Variants in ZDHHC11 observed in about 807,000 individuals in gnomAD.
ZDHHC11 encodes the protein palmitoyltransferase ZDHHC11.
Under a neutral mutation model 51.3 loss-of-function variants are expected in ZDHHC11, and 44 were observed. The ratio of observed to expected loss-of-function variants is 0.86; its 90% CI spans 0.67 to 1.10. The LOEUF (loss-of-function observed/expected upper bound fraction) is 1.10. Among genes scored for constraint, ZDHHC11 ranks in the 50% least tolerant of loss-of-function variants. ZDHHC11 has a pLI of 0.00. For synonymous variants in ZDHHC11, 163 were observed against 222.0 expected, an observed-to-expected ratio of 0.73 and a Z score of 2.36; for missense variants, 400 against 537.7, an observed-to-expected ratio of 0.74 and a Z score of 2.53.
rs367649715 is a variant in ZDHHC11 at position 850,453 on chromosome 5, C to A, written c.150G>T (p.Val50=). The A allele has an allele frequency of 6.6e-5, 107 of 1,613,626 alleles. 1 individual carries two copies. In the South Asian group the frequency reaches 1.0e-3, roughly 15 times the overall value. ...YFQVVTWAVF[V]GLSSATFGIF... ...TCCCGAAGGTGGCCGAGGAAAGGCCCACGAAGACAGCCCAGGTCACCACCT... is the reference window on the plus strand; with the variant it reads ...TCCCGAAGGTGGCCGAGGAAAGGCCAACGAAGACAGCCCAGGTCACCACCT... The change falls in exon 1 of 13, where the codon GTG becomes GTT. Residue 50 remains valine (V), a synonymous_variant. Coordinates refer to ENST00000283441, the MANE Select transcript of ZDHHC11 (RefSeq NM_024786.3).
intron 11 of ZDHHC11, among the ~76,000 whole-genome samples, chr5:809,447 C>T (rs1579567820): frequency 6.7e-6 from 1 of 149,108 alleles, no homozygotes; most frequent in Admixed American, 6.7e-5. Flanking sequence ...TTCGTGAGTG[C>T]CTTCAGAACA....
intron 1 of ZDHHC11, among the ~76,000 whole-genome samples, chr5:849,322 C>G (rs1250242805): frequency 2.0e-5 from 3 of 152,160 alleles, no homozygotes; most frequent in Non-Finnish European, 4.4e-5. Context: ...GACCCCAAAA[C>G]CCTTTACAGC....
At chr5:853,158 AG>A (rs1747545430), upstream of ZDHHC11, among the ~76,000 whole-genome samples, 3 of 135,908 alleles carry the variant, frequency 2.2e-5, no homozygotes, top group Admixed American at 1.4e-4. Flanking sequence ...ACAGCGAGCC[AG>A]GGAGACAGAC....
At chr5:802,385 A>C (rs998502211) in intron 11 of ZDHHC11, among the ~76,000 whole-genome samples, 4 of 151,428 alleles carry the variant, frequency 2.6e-5, no homozygotes, top group Admixed American at 6.6e-5. Flanking sequence ...GAGAAAATAA[A>C]ATATTAATTT....
At chr5:840,877 T>C in intron 4 of ZDHHC11, 2 of 1,435,280 alleles carry the variant, frequency 1.4e-6, no homozygotes, top group South Asian at 2.9e-5. Flanking sequence ...GAGGTGAGGC[T>C]CCAACATTGT....
intron 11 of ZDHHC11, among the ~76,000 whole-genome samples, chr5:813,832 C>A (rs1227782475): frequency 6.8e-6 from 1 of 146,514 alleles, no homozygotes; most frequent in African/African-American, 2.7e-5. Context: ...GAGGTGAAGG[C>A]AGGAAGGAGG....
chr5:833,318 G>A (rs1266573682), intron 7 of ZDHHC11, among the ~76,000 whole-genome samples: 4 of 150,940 alleles, frequency 2.7e-5, no homozygotes, highest in Non-Finnish European at 5.9e-5. Context: ...GCCAGCCCTG[G>A]CCCTGTTGGG....
At chr5:808,164 GAGCACT>G in intron 11 of ZDHHC11, among the ~76,000 whole-genome samples, 1 of 150,208 alleles carries the variant, frequency 6.7e-6, no homozygotes, top group East Asian at 2.0e-4. Context: ...AAGGAAAACT[GAGCACT>G]GCAGCCCCAT....
chr5:853,822 C>T (rs1456884462), upstream of ZDHHC11, among the ~76,000 whole-genome samples: 8 of 148,138 alleles, frequency 5.4e-5, no homozygotes, highest in African/African-American at 7.5e-5. Flanking sequence ...CCACCGAGGA[C>T]AGCCAGCTGG....
In ZDHHC11 at chr5:836,497, C is replaced by T. The variant is rs972174453; in HGVS notation, c.900+868G>A. On this transcript the variant is annotated intron_variant, in intron 6 of 12. Transcript: ENST00000283441. ...TGGTTTGGTGTCAGGTTGATAGTGG[C>T]ATTGCTGAATGAGTTGGGAAGTGTT... 2.7e-5 allele frequency among the ~76,000 whole-genome samples: 4 copies of T among 150,134 alleles called. 1 individual carries two copies. The highest frequency in any genetic ancestry group is 9.8e-5 in the African/African-American group (4 of 40,704).
upstream of ZDHHC11, among the ~76,000 whole-genome samples, chr5:852,127 C>G (rs1396346493): frequency 6.6e-6 from 1 of 152,006 alleles, no homozygotes; most frequent in African/African-American, 2.4e-5. Flanking sequence ...AAAGACAACC[C>G]TGTACATTAA....
At chr5:833,131 T>G (rs1743273484) in intron 7 of ZDHHC11, among the ~76,000 whole-genome samples, 1 of 152,386 alleles carries the variant, frequency 6.6e-6, no homozygotes, top group South Asian at 2.1e-4. Flanking sequence ...TATCTCATAG[T>G]GAGAAGAGCG....
intron 12 of ZDHHC11, among the ~76,000 whole-genome samples, chr5:799,608 C>T (rs1579512801): frequency 2.6e-5 from 4 of 151,370 alleles, no homozygotes; most frequent in African/African-American, 9.7e-5. Context: ...TTCGGCCAAG[C>T]GTCCAGCTCC....
At chr5:846,517 G>A (rs1269377127) in intron 3 of ZDHHC11, among the ~76,000 whole-genome samples, 2 of 143,634 alleles carry the variant, frequency 1.4e-5, no homozygotes, top group African/African-American at 2.7e-5. Flanking sequence ...TCGTTCTTGA[G>A]CCTCCACCGT....
At chr5:851,157 G>A (rs1396612527), upstream of ZDHHC11, among the ~76,000 whole-genome samples, 4 of 152,222 alleles carry the variant, frequency 2.6e-5, no homozygotes, top group South Asian at 4.1e-4. Context: ...CTCCCTGAGA[G>A]GCTTCTCTGA....
chr5:807,262 A>AC (rs1242891669), intron 11 of ZDHHC11, among the ~76,000 whole-genome samples: 2 of 150,854 alleles, frequency 1.3e-5, no homozygotes, highest in Non-Finnish European at 3.0e-5. Flanking sequence ...TTAAAAAAAA[A>AC]AATGAAAAAG....
chr5:819,884 T>C (rs772383463), intron 9 of ZDHHC11, among the ~76,000 whole-genome samples: 2 of 151,334 alleles, frequency 1.3e-5, no homozygotes, highest in Admixed American at 6.6e-5. Flanking sequence ...AGCCCCACCC[T>C]AGACCAGTGC....
At chr5:858,175 T>G (rs1748535815) in intron 1 of ZDHHC11, among the ~76,000 whole-genome samples, 1 of 146,906 alleles carries the variant, frequency 6.8e-6, no homozygotes, top group Non-Finnish European at 1.5e-5. Flanking sequence ...CCCAGGCCTG[T>G]CTTTATGACA....
At chr5:848,730 A>T (rs573322798) in intron 1 of ZDHHC11, 70 bp from the exon 2 acceptor site, 6 of 1,584,090 alleles carry the variant, frequency 3.8e-6, no homozygotes, top group South Asian at 2.3e-5. Context: ...GTGAGGCCCA[A>T]GGGCCCAGAA....
Sources: allele counts gnomAD v4.1 joint callset (sites outside exome capture counted in the v4.1 genomes callset), GRCh38; gene constraint gnomAD v4.1.1; transcripts MANE v1.5; gene names NCBI Gene and HGNC (gene_info 2026-07-23, HGNC 2026-07-21).